Variants in SOX6 observed in about 807,000 individuals in gnomAD.
The protein encoded by SOX6 is SRY-box transcription factor 6.
Under a neutral mutation model 97.8 loss-of-function variants are expected in SOX6, and 11 were observed. The ratio of observed to expected loss-of-function variants is 0.11; its 90% confidence interval spans 0.07 to 0.19. The LOEUF is 0.19. SOX6 is among the 10% of genes least tolerant of loss of function. The pLI, the probability that SOX6 is intolerant of heterozygous loss-of-function variation, is 1.00. For synonymous variants in SOX6, 360 were observed against 371.4 expected, an observed-to-expected ratio of 0.97 and a Z score of 0.35; for missense variants, 810 against 1,039.5, an observed-to-expected ratio of 0.78 and a Z score of 3.04.
At chr11:16,652,914 C>G (rs1475335408) in intron 3 of SOX6, among the ~76,000 whole-genome samples, 5 of 151,870 alleles carry the variant, frequency 3.3e-5, no homozygotes, top group East Asian at 1.9e-4. Context: ...AACAAATCAG[C>G]AAGAAAGAAA....
chr11:16,089,982 A>G (rs1457980901), intron 9 of SOX6, among the ~76,000 whole-genome samples: 1 of 152,150 alleles, frequency 6.6e-6, no homozygotes, highest in African/African-American at 2.4e-5. Flanking sequence ...ATTCCAACGT[A>G]GCTCATTACA....
intron 1 of SOX6, among the ~76,000 whole-genome samples, chr11:16,447,860 A>G (rs1859644391): frequency 6.6e-6 from 1 of 152,238 alleles, no homozygotes; most frequent in African/African-American, 2.4e-5. Context: ...AGGTGCATAT[A>G]AGTGGTTGTA....
intron 1 of SOX6, among the ~76,000 whole-genome samples, chr11:16,375,466 T>A (rs917502152): frequency 6.0e-5 from 9 of 150,182 alleles, no homozygotes; most frequent in African/African-American, 2.2e-4. Context: ...CCAATCCAGA[T>A]CTTGAAACTT....
upstream of SOX6, among the ~76,000 whole-genome samples, chr11:16,480,756 T>C (rs907285524): frequency 2.0e-5 from 3 of 152,074 alleles, no homozygotes; most frequent in African/African-American, 7.2e-5. Context: ...TTCTAAGGTA[T>C]TATTTAAAGA....
intron 1 of SOX6, among the ~76,000 whole-genome samples, chr11:16,430,630 C>T (rs1046871108): frequency 6.6e-6 from 1 of 152,114 alleles, no homozygotes. Context: ...AGGAAGTGGG[C>T]GCTCACCAGA....
chr11:16,496,434 C>T (rs1860597645), intron 4 of SOX6, among the ~76,000 whole-genome samples: 1 of 152,088 alleles, frequency 6.6e-6, no homozygotes, highest in South Asian at 2.1e-4. Context: ...AACTGAGGTA[C>T]CAGGTTCATC....
At chr11:16,278,047 C>T (rs1854450329) in intron 3 of SOX6, among the ~76,000 whole-genome samples, 1 of 152,120 alleles carries the variant, frequency 6.6e-6, no homozygotes, top group South Asian at 2.1e-4. Flanking sequence ...ATATTTCTCT[C>T]TTAGTGATTG....
chr11:16,584,821 T>C (rs1848074834), intron 4 of SOX6, among the ~76,000 whole-genome samples: 1 of 152,200 alleles, frequency 6.6e-6, no homozygotes, highest in South Asian at 2.1e-4. Context: ...CCTAGAAATC[T>C]AGTCTGCAAT....
intron 4 of SOX6, among the ~76,000 whole-genome samples, chr11:16,555,754 A>G: frequency 6.6e-6 from 1 of 151,746 alleles, no homozygotes; most frequent in East Asian, 1.9e-4. Context: ...ATAGAGATAT[A>G]ATGAATATAT....
intron 1 of SOX6, among the ~76,000 whole-genome samples, chr11:16,374,993 C>A (rs1857606083): frequency 6.6e-6 from 1 of 151,950 alleles, no homozygotes; most frequent in South Asian, 2.1e-4. Context: ...AAATGAAAGT[C>A]AAACTTGATG....
chr11:16,271,964 A>T (rs1445484620), intron 3 of SOX6, among the ~76,000 whole-genome samples: 1 of 150,890 alleles, frequency 6.6e-6, no homozygotes, highest in East Asian at 1.9e-4. Flanking sequence ...AATTTTACTG[A>T]TTAATTATAT....
At chr11:16,637,015 C>T (rs963467092) in intron 3 of SOX6, among the ~76,000 whole-genome samples, 1 of 152,128 alleles carries the variant, frequency 6.6e-6, no homozygotes, top group South Asian at 2.1e-4. Context: ...TCCCCTTTTC[C>T]TCTGCTAGTG....
chr11:15,993,893 G>GC (rs1042884045), intron 13 of SOX6, among the ~76,000 whole-genome samples: 1 of 152,198 alleles, frequency 6.6e-6, no homozygotes, highest in Admixed American at 6.5e-5. Flanking sequence ...TCCTGGAGAG[G>GC]CCCCTTCGTG....
chr11:16,694,052 A>G (rs1461051015), intron 3 of SOX6, among the ~76,000 whole-genome samples: 1 of 152,168 alleles, frequency 6.6e-6, no homozygotes, highest in African/African-American at 2.4e-5. Flanking sequence ...TTTTCAACAG[A>G]AATATATTTT....
intron 1 of SOX6, among the ~76,000 whole-genome samples, chr11:16,401,748 A>G (rs1218471362): frequency 6.6e-6 from 1 of 151,590 alleles, no homozygotes; most frequent in Non-Finnish European, 1.5e-5. Context: ...TCAAAAGAAT[A>G]AAGGATACAG....
chr11:16,669,206 T>C (rs1847829895), intron 3 of SOX6, among the ~76,000 whole-genome samples: 1 of 152,058 alleles, frequency 6.6e-6, no homozygotes, highest in African/African-American at 2.4e-5. Context: ...TCTCTGACCA[T>C]AATGGAATAA....
intron 12 of SOX6, among the ~76,000 whole-genome samples, chr11:16,043,429 C>G (rs1021605200): frequency 5.9e-5 from 9 of 152,114 alleles, no homozygotes; most frequent in Non-Finnish European, 1.2e-4. Flanking sequence ...ATCCTAAATA[C>G]CCCGTGACAC....
At chr11:16,695,839 A>C (rs548470714) in intron 3 of SOX6, among the ~76,000 whole-genome samples, 37 of 151,876 alleles carry the variant, frequency 2.4e-4, no homozygotes, top group South Asian at 1.7e-3. Context: ...AAGAAAAAAA[A>C]AAACACACAC....
chr11:16,474,281 T>G (rs992129507), intron 1 of SOX6, among the ~76,000 whole-genome samples: 3 of 152,188 alleles, frequency 2.0e-5, no homozygotes, highest in Admixed American at 6.5e-5. Context: ...CTATTTTTAC[T>G]TACCCCCATG....
Sources: gnomAD v4.1 joint callset for allele counts (sites outside exome capture counted in the v4.1 genomes callset) on GRCh38, gnomAD v4.1.1 for gene constraint, MANE v1.5 for transcripts, NCBI Gene and HGNC (gene_info 2026-07-23, HGNC 2026-07-21) for gene names.